The following NRXN3 variants were observed in gnomAD, a reference collection of about 807,000 sequenced individuals.
NRXN3 encodes neurexin III.
In NRXN3, 32 loss-of-function variants were observed where a neutral mutation model predicts 137.6. The ratio of observed to expected loss-of-function variants is 0.23; its 90% CI spans 0.18 to 0.31. The LOEUF is 0.31. Ranked by LOEUF, NRXN3 falls within the 10% of genes least tolerant of loss-of-function variation. NRXN3 has a pLI of 1.00. For missense variants in NRXN3, 1,574 were observed against 2,062.5 expected (o/e 0.76, Z 4.59); for synonymous variants, 798 against 784.5 (o/e 1.02, Z -0.29).
At chr14:78,877,811 TAATA>T (rs1169881471) in intron 10 of NRXN3, among the ~76,000 whole-genome samples, 1 of 152,188 alleles carries the variant, frequency 6.6e-6, no homozygotes, top group Non-Finnish European at 1.5e-5. Flanking sequence ...TCCCATTATT[TAATA>T]AATAAACATA....
chr14:78,463,871 A>G (rs1185735451), intron 4 of NRXN3, among the ~76,000 whole-genome samples: 7 of 151,378 alleles, frequency 4.6e-5, no homozygotes, highest in African/African-American at 1.7e-4. Context: ...CCAGCCACAT[A>G]TTATTTTATA....
intron 15 of NRXN3, chr14:79,280,768 C>A: frequency 1.9e-6 from 1 of 527,850 alleles, no homozygotes; most frequent in Non-Finnish European, 3.4e-6. Flanking sequence ...GGGTTCTTTT[C>A]CCCTTAGCTC....
At chr14:78,232,889 AG>A (rs1304591462) in intron 1 of NRXN3, among the ~76,000 whole-genome samples, 1 of 152,220 alleles carries the variant, frequency 6.6e-6, no homozygotes. Context: ...GAGGCTGAAA[AG>A]TAAATGGCCA....
Position 79,867,363 on chromosome 14 carries a change from CAA to C in NRXN3, c.*5401_*5402del, listed in dbSNP as rs2099418469. 6.6e-6 allele frequency: 1 copy of C among 152,178 alleles called. No homozygotes were observed. Among genetic ancestry groups the C allele is most frequent in the Non-Finnish European group, 1.5e-5 (1 of 68,036 alleles). The allele number at this position is 152,178 out of a possible 1,614,324, so 9.4% of individuals were successfully genotyped here. ...GAAATGTATTTCTCAGTTCCAGAAA[CAA>C]AGTTGCAGATCAAAGTTTGTTAGGG... On this transcript the variant is annotated 3_prime_UTR_variant, in exon 21 of 21. Coordinates refer to ENST00000335750, the MANE Select transcript of NRXN3 (RefSeq NM_001330195.2).
chr14:79,511,734 A>G (rs557346644), intron 16 of NRXN3, among the ~76,000 whole-genome samples: 1 of 152,172 alleles, frequency 6.6e-6, no homozygotes, highest in Admixed American at 6.5e-5. Flanking sequence ...TGCCTGCTCC[A>G]AATCCTATGT....
At chr14:78,270,462 G>A (rs980870640) in intron 2 of NRXN3, among the ~76,000 whole-genome samples, 2 of 152,176 alleles carry the variant, frequency 1.3e-5, no homozygotes, top group African/African-American at 4.8e-5. Flanking sequence ...TCCTGGCAGT[G>A]CCCATCTGCT....
At position 79,322,889 on chromosome 14, in the gene NRXN3, C is replaced by A. The variant is rs993790906; in HGVS notation, c.3263-144332C>A. Among the ~76,000 whole-genome samples the A allele has an allele frequency of 1.1e-4, 16 of 152,294 alleles. No individual in the cohort carries two copies. The East Asian group carries it at 1.2e-3, about 11-fold the overall frequency. On this transcript the variant is annotated intron_variant, in intron 15 of 20. Transcript: ENST00000335750. ...TTGCTTTCACAAACAAGAAGGCATT[C>A]TGAGTAAGAAAACATGAAGACAAAG...
chr14:79,039,570 TA>T (rs984481030), intron 15 of NRXN3, among the ~76,000 whole-genome samples: 78 of 152,268 alleles, frequency 5.1e-4, no homozygotes, highest in Non-Finnish European at 4.0e-4. Flanking sequence ...GTTTGAGAGA[TA>T]AAAAGTTGTC....
chr14:79,124,791 T>C (rs1266003936), intron 15 of NRXN3, among the ~76,000 whole-genome samples: 2 of 152,164 alleles, frequency 1.3e-5, no homozygotes, highest in African/African-American at 4.8e-5. Flanking sequence ...TATTAATCAA[T>C]GTATAAGTTT....
intron 4 of NRXN3, among the ~76,000 whole-genome samples, chr14:78,509,389 C>A (rs576273111): frequency 2.0e-5 from 3 of 152,228 alleles, no homozygotes; most frequent in African/African-American, 7.2e-5. Flanking sequence ...TTTAAGGAAA[C>A]CCATTTCTTA....
intron 10 of NRXN3, among the ~76,000 whole-genome samples, chr14:78,891,843 T>C (rs1324092202): frequency 6.6e-6 from 1 of 152,022 alleles, no homozygotes; most frequent in African/African-American, 2.4e-5. Flanking sequence ...TGAATGTATA[T>C]ACACAAACAT....
At chr14:79,398,688 T>C (rs1216459345) in intron 15 of NRXN3, among the ~76,000 whole-genome samples, 1 of 151,550 alleles carries the variant, frequency 6.6e-6, no homozygotes, top group East Asian at 1.9e-4. Flanking sequence ...GTTGGAGGGG[T>C]TCAAGGGGGT....
chr14:79,358,083 C>T (rs948144273), intron 15 of NRXN3, among the ~76,000 whole-genome samples: 5 of 152,188 alleles, frequency 3.3e-5, no homozygotes, highest in East Asian at 1.9e-4. Flanking sequence ...GTGGCATCTA[C>T]TACACACAGC....
intron 4 of NRXN3, among the ~76,000 whole-genome samples, chr14:78,416,840 T>C (rs917329770): frequency 3.9e-5 from 6 of 152,174 alleles, no homozygotes; most frequent in African/African-American, 1.4e-4. Flanking sequence ...CCTGTGGTCT[T>C]GTGAAATGCC....
chr14:79,362,590 A>G (rs1056590895), intron 15 of NRXN3, among the ~76,000 whole-genome samples: 2 of 152,222 alleles, frequency 1.3e-5, no homozygotes, highest in South Asian at 4.1e-4. Context: ...ACAGGACCCA[A>G]CCAGAAATTG....
At chr14:78,912,014 C>T (rs549806803) in intron 10 of NRXN3, among the ~76,000 whole-genome samples, 83 of 151,594 alleles carry the variant, frequency 5.5e-4, no homozygotes, top group African/African-American at 2.0e-3. Flanking sequence ...TGGTGTGCTG[C>T]ACCCATTAAC....
At chr14:79,171,322 A>G (rs1323035035) in intron 15 of NRXN3, among the ~76,000 whole-genome samples, 1 of 152,142 alleles carries the variant, frequency 6.6e-6, no homozygotes. Flanking sequence ...TTAATTTGGA[A>G]TAGGGGGAAT....
chr14:79,280,195 C>A, intron 15 of NRXN3: 1 of 1,538,582 alleles, frequency 6.5e-7, no homozygotes, highest in Non-Finnish European at 8.7e-7. Flanking sequence ...GGCAACTCTT[C>A]CTCCTGCTAT....
At chr14:79,560,338 T>C (rs952022762) in intron 16 of NRXN3, among the ~76,000 whole-genome samples, 5 of 151,982 alleles carry the variant, frequency 3.3e-5, no homozygotes, top group Non-Finnish European at 7.4e-5. Flanking sequence ...TTTTAAAAAA[T>C]GTTATAACTT....
Sources: allele counts gnomAD v4.1 joint callset (sites outside exome capture counted in the v4.1 genomes callset), GRCh38; gene constraint gnomAD v4.1.1; transcripts MANE v1.5; gene names NCBI Gene and HGNC (gene_info 2026-07-23, HGNC 2026-07-21).